Variants in DNAJC4 observed in about 807,000 individuals in gnomAD.
The protein encoded by DNAJC4 is dnaJ homolog subfamily C member 4.
A neutral mutation model predicts 26.8 loss-of-function variants in DNAJC4; 26 were observed. The ratio of observed to expected loss-of-function variants is 0.97; its 90% confidence interval spans 0.71 to 1.34. The LOEUF is 1.34. Among genes scored for constraint, DNAJC4 ranks in the 40% most tolerant of loss-of-function variants. The pLI is 0.00. For synonymous variants in DNAJC4, 134 were observed against 127.8 expected (o/e 1.05, Z -0.33); for missense variants, 342 against 321.1 (o/e 1.07, Z -0.50).
intron 4 of DNAJC4, 177 bp downstream of exon 4, chr11:64,233,042 C>G (rs1565314969): frequency 7.1e-6 from 4 of 562,760 alleles, no homozygotes; most frequent in Non-Finnish European, 1.1e-5. Context: ...AGCGCTGCAC[C>G]AAGAGCTAAC....
Position 64,232,593 on chromosome 11 carries a change from A to G in DNAJC4, c.344A>G (p.Lys115Arg), listed in dbSNP as rs1947190583. The G allele has an allele frequency of 6.2e-7, 1 of 1,603,908 alleles. No individual in the cohort carries two copies. Among genetic ancestry groups the G allele is most frequent in the African/African-American group, 1.3e-5 (1 of 74,684 alleles). Residue 115 changes from lysine (K) to arginine (R), a missense_variant, in exon 3 of 6, where the codon AAG becomes AGG. Transcript: ENST00000628077. ...PKSPRTTVHD[K>R]SAHQTHSSWT... ...TCTCCACGAACCACAGTCCATGACA[A>G]GTCTGCCCACCAAACACACAGGTAC...
In DNAJC4 at chr11:64,233,471, C is replaced by T. The variant is rs1232041193; in HGVS notation, c.528-423C>T. ...GGCCAGGCTGGTCTCAAACTCCTGA[C>T]CTCAGGTGATCCACCCGCCTCAGCC... On this transcript the variant is annotated intron_variant, in intron 4 of 5. Coordinates refer to ENST00000628077, the MANE Select transcript of DNAJC4 (RefSeq NM_005528.4). The T allele has an allele frequency of 2.8e-5, 5 of 181,468 alleles. No individual in the cohort carries two copies. The East Asian group carries it at 5.6e-4, about 20-fold the overall frequency. The allele number at this position is 181,468 out of a possible 1,614,324, so 11.2% of individuals were successfully genotyped here. A position where few individuals can be genotyped will look rare whatever the true frequency, so the allele number is the denominator to read the frequency against.
rs895965797 is a variant in DNAJC4, at chr11:64,232,271, T to C, written c.181-159T>C. 10 of 943,366 alleles carry C rather than the reference T, an allele frequency of 1.1e-5. No individual in the cohort carries two copies. In the African/African-American group the frequency reaches 1.2e-4, roughly 11 times the overall value. 58.4% of individuals were successfully genotyped at this position (943,366 alleles called of 1,614,324 possible). A position where few individuals can be genotyped will look rare whatever the true frequency, so the allele number is the denominator to read the frequency against. ...GAACACAGGAGGAAGCAGGAGTCCA[T>C]GCTCTCTGGCCTTCTGAGGAGTGGG... On this transcript the variant is annotated intron_variant, in intron 2 of 5. Transcript: ENST00000628077.
At chr11:64,232,899 G>C (rs537305641) in intron 4 of DNAJC4, 34 bp downstream of exon 4, 1 of 1,526,958 alleles carries the variant, frequency 6.5e-7, no homozygotes, top group African/African-American at 1.4e-5. Context: ...GATGGGCAGA[G>C]GGCAGGAGGG....
intron 2 of DNAJC4, 58 bp downstream of exon 2, chr11:64,232,022 G>C: frequency 1.3e-6 from 2 of 1,563,366 alleles, no homozygotes; most frequent in Non-Finnish European, 1.8e-6. Context: ...GTGGGGGTGT[G>C]CTTCAAATTC....
At chr11:64,230,437 C>T, upstream of DNAJC4, 2 of 511,070 alleles carry the variant, frequency 3.9e-6, no homozygotes, top group South Asian at 1.5e-5. Context: ...GACAGGTGGA[C>T]GTGGTCTTGG....
At chr11:64,233,276 C>T (rs963252130) in intron 4 of DNAJC4, among the ~76,000 whole-genome samples, 1 of 151,964 alleles carries the variant, frequency 6.6e-6, no homozygotes. Context: ...CTCTGTTGCC[C>T]AGGCTGCAGT....
At chr11:64,231,616 A>G (rs1039081013) in intron 1 of DNAJC4, 2 of 421,052 alleles carry the variant, frequency 4.8e-6, no homozygotes, top group Admixed American at 7.6e-5. Context: ...GCTGGATTAC[A>G]GGCGTGAGCC....
At position 64,230,852 on chromosome 11, in the gene DNAJC4, GC is replaced by G. The variant is rs770346337; in HGVS notation, c.-1del. Reference sequence around the variant, plus strand: ...CTCCTTTCCCAGCTGCCCGCCCGCCGCCATGCCGCCCTTACTGCCCCTGCGC... The same window carrying G: ...CTCCTTTCCCAGCTGCCCGCCCGCCGCATGCCGCCCTTACTGCCCCTGCGC... On this transcript the variant is annotated 5_prime_UTR_variant, in exon 1 of 6. Transcript: ENST00000628077. 2 of 1,597,388 alleles carry G rather than the reference GC, an allele frequency of 1.3e-6. No individual in the cohort carries two copies. Among genetic ancestry groups the G allele is most frequent in the Non-Finnish European group, 1.7e-6 (2 of 1,174,184 alleles).
rs756661554 is a variant in DNAJC4, at chr11:64,233,921, C to A, written c.555C>A (p.Phe185Leu). 15 of 1,613,938 alleles carry A rather than the reference C, an allele frequency of 9.3e-6. No homozygotes were observed. The East Asian group carries it at 3.1e-4, about 34-fold the overall frequency. Residue 185 changes from phenylalanine (F) to leucine (L), a missense_variant, in exon 5 of 6, where the codon TTC becomes TTA. By Grantham distance (22) the Phe-to-Leu change is conservative. Transcript: ENST00000628077. ...AGGTGAAGCAGATGCACCTTAACTT[C>A]ATGGATGAAAAGGATCGGATCATCA... ...FRKVKQMHLNFMDEKDRIITA... is the reference protein window; with the variant it reads ...FRKVKQMHLNLMDEKDRIITA...
chr11:64,231,220 T>G (rs1055874613), intron 1 of DNAJC4: 6 of 548,374 alleles, frequency 1.1e-5, no homozygotes, highest in African/African-American at 9.6e-5. Flanking sequence ...TAACCCTCTG[T>G]GGGGGGTGGG....
Position 64,232,849 on chromosome 11 carries a change from C to T in DNAJC4, c.511C>T (p.His171Tyr), listed in dbSNP as rs746964651. Residue 171 changes from histidine to tyrosine, a missense_variant, in exon 4 of 6, where the codon CAC (histidine) becomes TAC (tyrosine). Physicochemically the swap from His to Tyr is moderately conservative, Grantham distance 83 (BLOSUM62 2). Coordinates refer to ENST00000628077, the MANE Select transcript of DNAJC4 (RefSeq NM_005528.4). ...LLLMLAGMGL[H>Y]YIAFRKVKQM... ...CCTCATGCTGGCGGGCATGGGCCTG[C>T]ACTACATTGCCTTCAGGTGATGCCT... 1.9e-6 allele frequency: 3 copies of T among 1,599,356 alleles called. No homozygotes were observed. Among genetic ancestry groups the T allele is most frequent in the East Asian group, 2.2e-5 (1 of 44,700 alleles).
intron 4 of DNAJC4, chr11:64,233,156 C>G (rs2135008015): frequency 3.1e-6 from 1 of 318,532 alleles, no homozygotes; most frequent in East Asian, 5.1e-5. Context: ...AAATGCAGCA[C>G]AGCTCATTCA....
chr11:64,233,825 G>C, intron 4 of DNAJC4, 69 bp from the exon 5 acceptor site: 1 of 1,576,510 alleles, frequency 6.3e-7, no homozygotes. Context: ...CCTAGAGTGG[G>C]GTGGAAGGGG....
chr11:64,231,848 A>G, intron 1 of DNAJC4, 23 bp from the exon 2 acceptor site: 2 of 1,613,106 alleles, frequency 1.2e-6, no homozygotes, highest in Middle Eastern at 1.7e-4. Context: ...CAGCCCCTGC[A>G]AGGTTTGGGA....
At position 64,234,010 on chromosome 11, in the gene DNAJC4, T is replaced by G. The variant is rs753781671; in HGVS notation, c.614+30T>G. The G allele has an allele frequency of 3.7e-5, 59 of 1,613,862 alleles. No homozygotes were observed. Among genetic ancestry groups the G allele is most frequent in the Non-Finnish European group, 4.7e-5 (55 of 1,180,018 alleles). The stretch of plus-strand genomic sequence containing the variant: ...GTCCCTGCTCTATTCTGCTCCCTGC[T>G]CCCTGTCCAGGAACCACACTTCGGG... On this transcript the variant is annotated intron_variant, in intron 5 of 5. Coordinates refer to ENST00000628077, the MANE Select transcript of DNAJC4 (RefSeq NM_005528.4). The surrounding 1 kb of genome is among the most constrained non-coding windows in gnomAD (Gnocchi z 5.3).
intron 4 of DNAJC4, 52 bp from the exon 5 acceptor site, chr11:64,233,842 C>T (rs1407329022): frequency 1.3e-6 from 2 of 1,596,860 alleles, no homozygotes; most frequent in African/African-American, 1.3e-5. Flanking sequence ...GGGGGCAGGA[C>T]TTCAGGGACA....
Position 64,230,601 on chromosome 11 carries a change from C to A in DNAJC4, c.-254C>A, listed in dbSNP as rs1223839365. 6.5e-6 allele frequency: 4 copies of A among 616,262 alleles called. No homozygotes were observed. Among genetic ancestry groups the A allele is most frequent in the Non-Finnish European group, 8.7e-6 (3 of 345,406 alleles). The allele number at this position is 616,262 out of a possible 1,614,324, so 38.2% of individuals were successfully genotyped here. On this transcript the variant is annotated 5_prime_UTR_variant, in exon 1 of 6. It adds an upstream start codon to the 5' untranslated region. Coordinates refer to ENST00000628077, the MANE Select transcript of DNAJC4 (RefSeq NM_005528.4). Reference sequence around the variant, plus strand: ...GGGTGGGAACGGGGTCTTGGGGTCCCTGGCTGGGTGGCCAGACCCCGAAGC... The same window carrying A: ...GGGTGGGAACGGGGTCTTGGGGTCCATGGCTGGGTGGCCAGACCCCGAAGC...
chr11:64,232,407 AG>A, intron 2 of DNAJC4, 22 bp from the exon 3 acceptor site: 5 of 1,546,988 alleles, frequency 3.2e-6, no homozygotes, highest in Non-Finnish European at 4.4e-6. Flanking sequence ...AAGGGAGATA[AG>A]GGGAGTCCTG....
Sources: gnomAD v4.1 joint callset for allele counts (sites outside exome capture counted in the v4.1 genomes callset) on GRCh38, gnomAD v4.1.1 for gene constraint, Gnocchi (gnomAD v3.1) non-coding constraint, MANE v1.5 for transcripts, NCBI Gene and HGNC (gene_info 2026-07-23, HGNC 2026-07-21) for gene names.